The following PAIP1 variants were observed in gnomAD, a reference collection of about 807,000 sequenced individuals.
PAIP1 encodes polyadenylate-binding protein-interacting protein 1.
Under a neutral mutation model 61.3 loss-of-function variants are expected in PAIP1, and 16 were observed. That is an observed-to-expected ratio of 0.26 (90% CI 0.18 to 0.40). The LOEUF (loss-of-function observed/expected upper bound fraction) is 0.40, where lower values mean the gene tolerates loss of function less well. Among genes scored for constraint, PAIP1 ranks in the 10% least tolerant of loss-of-function variants. PAIP1 has a pLI of 1.00. For missense variants in PAIP1, 416 were observed against 600.9 expected (o/e 0.69, Z 3.22); for synonymous variants, 187 against 226.2 (o/e 0.83, Z 1.56).
upstream of PAIP1, chr5:43,557,304 G>A (rs9885481): frequency 0.97 from 149,486 of 153,432 alleles, 72,898 homozygotes; most frequent in East Asian, 1. Context: ...GCCAGGCTGG[G>A]GGGGATGAGG....
At position 43,527,782 on chromosome 5, in the gene PAIP1, G is replaced by T. The variant is rs1746762808; in HGVS notation, c.1347-313C>A. On this transcript the variant is annotated intron_variant, in intron 10 of 10. Transcript: ENST00000306846. ...ACATATAAACTTGGGGCTCAAGATCGATATTAATAAATTTACCTTACCAAC... is the reference window on the plus strand; with the variant it reads ...ACATATAAACTTGGGGCTCAAGATCTATATTAATAAATTTACCTTACCAAC... Among the ~76,000 whole-genome samples the T allele has an allele frequency of 3.9e-5, 6 of 152,242 alleles. No individual in the cohort carries two copies. In the South Asian group the frequency reaches 1.2e-3, roughly 32 times the overall value.
intron 5 of PAIP1, among the ~76,000 whole-genome samples, chr5:43,538,365 T>C (rs1391065434): frequency 6.6e-6 from 1 of 152,116 alleles, no homozygotes; most frequent in Non-Finnish European, 1.5e-5. Flanking sequence ...CAAAAAAGTA[T>C]GTCAAGTAAT....
chr5:43,529,774 A>G lies in PAIP1; in HGVS notation c.1346+12T>C, dbSNP rs1258784944. 7.1e-7 allele frequency: 1 copy of G among 1,400,182 alleles called. No homozygotes were observed. Among genetic ancestry groups the G allele is most frequent in the South Asian group, 1.2e-5 (1 of 86,416 alleles). 86.7% of individuals were successfully genotyped at this position (1,400,182 alleles called of 1,614,324 possible). ...AGAAATTTCACGAAGTTAGTAACTG[A>G]AGAAAACTTACGGATCACCAGCCCC... On this transcript the variant is annotated intron_variant, in intron 10 of 10. Coordinates refer to ENST00000306846, the MANE Select transcript of PAIP1 (RefSeq NM_006451.5).
At chr5:43,557,277 G>A (rs565212489), upstream of PAIP1, 1 of 156,176 alleles carries the variant, frequency 6.4e-6, no homozygotes, top group South Asian at 2.1e-4. Flanking sequence ...CTCGGGCAGG[G>A]GCATCTCGGT....
intron 9 of PAIP1, among the ~76,000 whole-genome samples, chr5:43,532,458 A>C (rs1746980594): frequency 6.6e-6 from 1 of 152,190 alleles, no homozygotes; most frequent in Non-Finnish European, 1.5e-5. Context: ...TTGTTGAGAC[A>C]ACAGGCAATG....
At chr5:43,528,804 A>T (rs1746811785) in intron 10 of PAIP1, among the ~76,000 whole-genome samples, 1 of 152,214 alleles carries the variant, frequency 6.6e-6, no homozygotes, top group East Asian at 1.9e-4. Context: ...GAAGAAAAGA[A>T]ACTAAGTAGC....
intron 5 of PAIP1, among the ~76,000 whole-genome samples, chr5:43,537,277 T>C (rs1246597749): frequency 6.6e-6 from 1 of 152,226 alleles, no homozygotes; most frequent in African/African-American, 2.4e-5. Context: ...TAAAATATTT[T>C]AAAATATGGT....
At chr5:43,528,096 T>C (rs1051306712) in intron 10 of PAIP1, among the ~76,000 whole-genome samples, 1 of 152,170 alleles carries the variant, frequency 6.6e-6, no homozygotes, top group African/African-American at 2.4e-5. Context: ...GCGGGAAAGA[T>C]TTAAAGTGTC....
At chr5:43,544,577 G>A (rs1028877377) in intron 3 of PAIP1, among the ~76,000 whole-genome samples, 2 of 152,030 alleles carry the variant, frequency 1.3e-5, no homozygotes, top group Non-Finnish European at 2.9e-5. Flanking sequence ...CCATATCTCC[G>A]CACTACGTAA....
At chr5:43,544,146 TAAAAAAA>T (rs568177939) in intron 3 of PAIP1, among the ~76,000 whole-genome samples, 4 of 72,686 alleles carry the variant, frequency 5.5e-5, no homozygotes, top group East Asian at 4.0e-4. Context: ...CCCATCTTTT[TAAAAAAA>T]AAAAAAAAAA....
chr5:43,545,025 C>T (rs1434934619), intron 3 of PAIP1, among the ~76,000 whole-genome samples: 3 of 152,150 alleles, frequency 2.0e-5, no homozygotes, highest in Admixed American at 2.0e-4. Context: ...TGATTTTATT[C>T]ATTTGCTGTG....
chr5:43,526,861 T>C lies in PAIP1; in HGVS notation c.*515A>G, dbSNP rs546896645. On this transcript the variant is annotated 3_prime_UTR_variant, in exon 11 of 11. Transcript: ENST00000306846. ...CTTGGTATCAAATAGCATCTGCATA[T>C]GTAAATCAGTTGTTGATATATTCCA... 1.3e-5 allele frequency: 2 copies of C among 152,040 alleles called. No individual in the cohort carries two copies. The highest frequency in any genetic ancestry group is 4.8e-5 in the African/African-American group (2 of 41,526). The allele number at this position is 152,040 out of a possible 1,614,324, so 9.4% of individuals were successfully genotyped here.
intron 1 of PAIP1, 172 bp from the exon 2 acceptor site, chr5:43,556,171 A>T: frequency 7.1e-7 from 1 of 1,402,896 alleles, no homozygotes; most frequent in African/African-American, 1.4e-5. Flanking sequence ...AAAAGGAACA[A>T]TAGACTTGCT....
At chr5:43,545,095 C>T (rs1316505184) in intron 3 of PAIP1, among the ~76,000 whole-genome samples, 1 of 152,190 alleles carries the variant, frequency 6.6e-6, no homozygotes, top group Non-Finnish European at 1.5e-5. Context: ...ACTTTGTCTT[C>T]CCTAGATTCA....
intron 10 of PAIP1, among the ~76,000 whole-genome samples, chr5:43,528,674 A>T (rs6859700): frequency 6.6e-6 from 1 of 152,104 alleles, no homozygotes; most frequent in African/African-American, 2.4e-5. Context: ...AAACCGACAC[A>T]TAATTAAAAT....
intron 9 of PAIP1, among the ~76,000 whole-genome samples, chr5:43,533,388 G>A (rs1217913803): frequency 6.6e-6 from 1 of 152,198 alleles, no homozygotes; most frequent in Admixed American, 6.5e-5. Flanking sequence ...TGCTGACTAT[G>A]CAGTGAACTA....
At chr5:43,531,573 C>G (rs1330292703) in intron 9 of PAIP1, among the ~76,000 whole-genome samples, 1 of 142,884 alleles carries the variant, frequency 7.0e-6, no homozygotes, top group Non-Finnish European at 1.5e-5. Context: ...AGGAGAATTG[C>G]TTGAACTCAG....
At position 43,557,010 on chromosome 5, in the gene PAIP1, G is replaced by C. The variant is rs1748127113; in HGVS notation, c.-164C>G. The C allele has an allele frequency of 1.7e-6, 2 of 1,192,180 alleles. No homozygotes were observed. The highest frequency in any genetic ancestry group is 3.4e-5 in the South Asian group (1 of 29,222). The allele number at this position is 1,192,180 out of a possible 1,614,324, so 73.9% of individuals were successfully genotyped here. A position where few individuals can be genotyped will look rare whatever the true frequency, so the allele number is the denominator to read the frequency against. ...GCTCGGCTGCTCGGTGCTTCTGGCGGAGCGGACGGCAGCCCGAGCACCCGC... is the reference window on the plus strand; with the variant it reads ...GCTCGGCTGCTCGGTGCTTCTGGCGCAGCGGACGGCAGCCCGAGCACCCGC... On this transcript the variant is annotated 5_prime_UTR_variant, in exon 1 of 11. Coordinates refer to ENST00000306846, the MANE Select transcript of PAIP1 (RefSeq NM_006451.5).
At chr5:43,543,783 GCAA>G (rs1747517364) in intron 3 of PAIP1, among the ~76,000 whole-genome samples, 2 of 152,054 alleles carry the variant, frequency 1.3e-5, no homozygotes. Flanking sequence ...AACTTTAATT[GCAA>G]TTTCTAAAGA....
Sources: gnomAD v4.1 joint callset for allele counts (sites outside exome capture counted in the v4.1 genomes callset) on GRCh38, gnomAD v4.1.1 for gene constraint, MANE v1.5 for transcripts, NCBI Gene and HGNC (gene_info 2026-07-23, HGNC 2026-07-21) for gene names.